Variants in KCNH8 observed in about 807,000 individuals in gnomAD.
KCNH8 encodes potassium voltage-gated channel subfamily H member 8.
KCNH8 carries 70 observed loss-of-function variants against 103.6 expected under a neutral mutation model. The ratio of observed to expected loss-of-function variants is 0.68; its 90% CI spans 0.56 to 0.82. The LOEUF is 0.82. KCNH8 is among the 40% of genes least tolerant of loss of function. KCNH8 has a pLI of 0.00. For synonymous variants in KCNH8, 498 were observed against 489.4 expected (o/e 1.02, Z -0.23); for missense variants, 1,217 against 1,329.9 (o/e 0.92, Z 1.32).
At chr3:19,187,955 C>G (rs577046738) in intron 1 of KCNH8, among the ~76,000 whole-genome samples, 2 of 151,972 alleles carry the variant, frequency 1.3e-5, no homozygotes, top group East Asian at 3.9e-4. Context: ...GTTTTGTAAC[C>G]ACTATACACG....
intron 10 of KCNH8, 131 bp from the exon 11 acceptor site, chr3:19,456,637 C>T: frequency 1.6e-6 from 1 of 632,720 alleles, no homozygotes; most frequent in Non-Finnish European, 2.8e-6. Flanking sequence ...GTTGAAAAGC[C>T]CTGCCCCAAG....
chr3:19,185,225 A>G (rs1011097654), intron 1 of KCNH8, among the ~76,000 whole-genome samples: 2 of 151,874 alleles, frequency 1.3e-5, no homozygotes, highest in African/African-American at 2.4e-5. Flanking sequence ...TAGAGTGGCA[A>G]TACAATTTTA....
At chr3:19,242,908 A>T (rs773059617) in intron 1 of KCNH8, among the ~76,000 whole-genome samples, 15 of 152,024 alleles carry the variant, frequency 9.9e-5, no homozygotes, top group Non-Finnish European at 1.6e-4. Context: ...ACAAAACAAA[A>T]CCCATTTAGA....
chr3:19,243,879 G>A (rs554488050), intron 1 of KCNH8, among the ~76,000 whole-genome samples: 14 of 152,156 alleles, frequency 9.2e-5, no homozygotes, highest in African/African-American at 3.4e-4. Flanking sequence ...GGAGAATCAG[G>A]GGACAAGTTA....
chr3:19,272,560 T>C (rs2064604058), intron 2 of KCNH8, among the ~76,000 whole-genome samples: 1 of 152,112 alleles, frequency 6.6e-6, no homozygotes, highest in South Asian at 2.1e-4. Context: ...ATCTAGACAC[T>C]TCCTTTCATC....
chr3:19,303,305 A>G (rs1417868150), intron 3 of KCNH8, among the ~76,000 whole-genome samples: 2 of 152,204 alleles, frequency 1.3e-5, no homozygotes, highest in Non-Finnish European at 2.9e-5. Flanking sequence ...TTTTAAAAAG[A>G]CATAAACCCA....
chr3:19,453,756 C>G lies in KCNH8; in HGVS notation c.1825+2352C>G, dbSNP rs1422817557. Among the ~76,000 whole-genome samples, 5 of 152,098 alleles carry G rather than the reference C, an allele frequency of 3.3e-5. No homozygotes were observed. The East Asian group carries it at 9.6e-4, about 29-fold the overall frequency. The stretch of plus-strand genomic sequence containing the variant: ...ACGGAAAGGTGCCATTTGTGAATCA[C>G]AAAATGAGCCCTTACCAAACACCAG... On this transcript the variant is annotated intron_variant, in intron 10 of 15. Transcript: ENST00000328405.
At chr3:19,282,936 T>G (rs2064776910) in intron 3 of KCNH8, among the ~76,000 whole-genome samples, 1 of 152,154 alleles carries the variant, frequency 6.6e-6, no homozygotes, top group African/African-American at 2.4e-5. Context: ...CCAAGTGGGC[T>G]TCCTTCTAGT....
chr3:19,220,784 T>G (rs935034144), intron 1 of KCNH8, among the ~76,000 whole-genome samples: 5 of 152,092 alleles, frequency 3.3e-5, no homozygotes, highest in African/African-American at 1.2e-4. Context: ...TTTTTTTTTT[T>G]CTCATCCTAT....
chr3:19,505,896 A>T (rs1251563154), intron 11 of KCNH8, among the ~76,000 whole-genome samples: 1 of 151,874 alleles, frequency 6.6e-6, no homozygotes, highest in Non-Finnish European at 1.5e-5. Context: ...TGTTTTACTG[A>T]GTTATTTCAG....
In KCNH8 at chr3:19,403,085, A is replaced by G. The variant is rs2066636808; in HGVS notation, c.1177+7774A>G. ...AACTGTTTTGGTTTTCTCTCAAAAG[A>G]TCTTATAATACCTGACAATTATTAA... On this transcript the variant is annotated intron_variant, in intron 7 of 15. Transcript: ENST00000328405. Among the ~76,000 whole-genome samples the G allele has an allele frequency of 2.0e-5, 3 of 151,728 alleles. No homozygotes were observed. The South Asian group carries it at 6.2e-4, about 31-fold the overall frequency.
intron 15 of KCNH8, among the ~76,000 whole-genome samples, chr3:19,523,029 G>A (rs1231399991): frequency 2.6e-5 from 4 of 151,832 alleles, no homozygotes; most frequent in African/African-American, 7.3e-5. Context: ...CTACTTTGCT[G>A]GGAATCGGAG....
chr3:19,498,912 C>A (rs147344263), intron 11 of KCNH8, among the ~76,000 whole-genome samples: 1 of 151,944 alleles, frequency 6.6e-6, no homozygotes. Context: ...GGGTCAGGGA[C>A]CCACTTGAGG....
chr3:19,452,256 G>A (rs2067460124), intron 10 of KCNH8, among the ~76,000 whole-genome samples: 1 of 152,046 alleles, frequency 6.6e-6, no homozygotes, highest in South Asian at 2.1e-4. Context: ...ATGGTGGCAG[G>A]AGCCTGTAGT....
chr3:19,348,720 CT>C (rs2065760670), intron 5 of KCNH8, among the ~76,000 whole-genome samples: 1 of 151,996 alleles, frequency 6.6e-6, no homozygotes, highest in South Asian at 2.1e-4. Context: ...ATACCTGCTT[CT>C]TTCCTTGGTC....
At chr3:19,298,118 A>C (rs563380456) in intron 3 of KCNH8, among the ~76,000 whole-genome samples, 1 of 152,224 alleles carries the variant, frequency 6.6e-6, no homozygotes, top group Non-Finnish European at 1.5e-5. Flanking sequence ...AGTGAATTTG[A>C]TTAGCTAAAC....
chr3:19,204,150 T>G (rs2063689918), intron 1 of KCNH8, among the ~76,000 whole-genome samples: 1 of 152,066 alleles, frequency 6.6e-6, no homozygotes, highest in Non-Finnish European at 1.5e-5. Flanking sequence ...TCACATGGCC[T>G]CCCTGCTCAT....
intron 1 of KCNH8, among the ~76,000 whole-genome samples, chr3:19,217,887 C>T (rs952219390): frequency 6.6e-6 from 1 of 152,168 alleles, no homozygotes; most frequent in African/African-American, 2.4e-5. Flanking sequence ...ATGGTACTAA[C>T]TGTAAATTTC....
Position 19,227,088 on chromosome 3 carries a change from T to A in KCNH8, c.77-26566T>A, listed in dbSNP as rs1337378540. Among the ~76,000 whole-genome samples, 6 of 152,290 alleles carry A rather than the reference T, an allele frequency of 3.9e-5. No homozygotes were observed. The East Asian group carries it at 1.2e-3, about 29-fold the overall frequency. On this transcript the variant is annotated intron_variant, in intron 1 of 15. Transcript: ENST00000328405. ...GGAATTTATTGTTTATACTCAGGCATAAATATGGGAAATATCACTGTTACT... is the reference window on the plus strand; with the variant it reads ...GGAATTTATTGTTTATACTCAGGCAAAAATATGGGAAATATCACTGTTACT...
Sources: gnomAD v4.1 joint callset for allele counts (sites outside exome capture counted in the v4.1 genomes callset) on GRCh38, gnomAD v4.1.1 for gene constraint, MANE v1.5 for transcripts, NCBI Gene and HGNC (gene_info 2026-07-23, HGNC 2026-07-21) for gene names.